Variants in RIMBP2 observed in about 807,000 individuals in gnomAD.
RIMBP2 encodes the protein RIMS binding protein 2.
Under a neutral mutation model 118.6 loss-of-function variants are expected in RIMBP2, and 48 were observed. The observed-to-expected ratio is 0.40, with a 90% confidence interval of 0.32 to 0.51. The LOEUF is 0.51. RIMBP2 is among the 20% of genes least tolerant of loss of function. RIMBP2 has a pLI of 0.41. For synonymous variants in RIMBP2, 762 were observed against 742.9 expected (o/e 1.03, Z -0.42); for missense variants, 1,551 against 1,768.3 (o/e 0.88, Z 2.20).
intron 1 of RIMBP2, among the ~76,000 whole-genome samples, chr12:130,696,292 A>G (rs953697426): frequency 2.6e-5 from 4 of 152,256 alleles, no homozygotes; most frequent in African/African-American, 7.2e-5. Context: ...CCTGAAAGGA[A>G]GAGGCCGCTG....
At chr12:130,608,983 G>C (rs1017925561) in intron 2 of RIMBP2, among the ~76,000 whole-genome samples, 1 of 151,936 alleles carries the variant, frequency 6.6e-6, no homozygotes, top group African/African-American at 2.4e-5. Flanking sequence ...CTACTTCTAC[G>C]AGATCAACTT....
intron 1 of RIMBP2, among the ~76,000 whole-genome samples, chr12:130,666,147 A>G (rs2063906021): frequency 6.6e-6 from 1 of 152,238 alleles, no homozygotes; most frequent in Non-Finnish European, 1.5e-5. Context: ...AAGCTACCAA[A>G]AAAGATCCCC....
intron 1 of RIMBP2, among the ~76,000 whole-genome samples, chr12:130,673,006 C>A (rs1197085841): frequency 2.6e-5 from 4 of 150,978 alleles, no homozygotes; most frequent in Admixed American, 6.6e-5. Context: ...TCCCAGGAAA[C>A]AAAGGAAGAC....
chr12:130,464,303 G>A (rs963038568), intron 6 of RIMBP2, among the ~76,000 whole-genome samples: 2 of 152,202 alleles, frequency 1.3e-5, no homozygotes, highest in African/African-American at 2.4e-5. Context: ...CTGCTTTCCG[G>A]TAACATTAGG....
At chr12:130,593,745 G>C (rs1351928866) in intron 2 of RIMBP2, among the ~76,000 whole-genome samples, 1 of 152,208 alleles carries the variant, frequency 6.6e-6, no homozygotes, top group Non-Finnish European at 1.5e-5. Context: ...CAGTGTGTCT[G>C]TCTGAAGGCA....
chr12:130,523,147 C>T lies in RIMBP2; in HGVS notation c.-216-5230G>A, dbSNP rs1165626379. On this transcript the variant is annotated intron_variant, in intron 2 of 22. Coordinates refer to ENST00000690449, the MANE Select transcript of RIMBP2 (RefSeq NM_001393629.1). This position sits in a 1 kb window ranked among gnomAD's most constrained non-coding sequence, Gnocchi z 4.4. ...ACTCTGCCTCTCTCTCTCTCTCTGCCTCCATGTCTGTCTGTGTCTCTGTTT... is the reference window on the plus strand; with the variant it reads ...ACTCTGCCTCTCTCTCTCTCTCTGCTTCCATGTCTGTCTGTGTCTCTGTTT... Among the ~76,000 whole-genome samples, 2 of 152,018 alleles carry T rather than the reference C, an allele frequency of 1.3e-5. No homozygotes were observed. Among genetic ancestry groups the T allele is most frequent in the Non-Finnish European group, 2.9e-5 (2 of 68,006 alleles).
At chr12:130,658,934 A>G (rs2063539223) in intron 1 of RIMBP2, 1 of 151,430 alleles carries the variant, frequency 6.6e-6, no homozygotes, top group Admixed American at 6.6e-5. Context: ...ACCTCACTCA[A>G]TCTCCCTTCC....
At chr12:130,500,261 C>G (rs995663361) in intron 4 of RIMBP2, among the ~76,000 whole-genome samples, 1 of 152,146 alleles carries the variant, frequency 6.6e-6, no homozygotes, top group South Asian at 2.1e-4. Context: ...AGTTCGAGAC[C>G]AGCCTGACCA....
At chr12:130,459,141 C>T (rs1032460972) in intron 6 of RIMBP2, among the ~76,000 whole-genome samples, 2 of 151,496 alleles carry the variant, frequency 1.3e-5, no homozygotes, top group African/African-American at 4.9e-5. Flanking sequence ...CAGCGGTTGT[C>T]AGGGTTTTGG....
At position 130,534,191 on chromosome 12, in the gene RIMBP2, G is replaced by A. The variant is rs1369915872; in HGVS notation, c.-216-16274C>T. 3.0e-5 allele frequency among the ~76,000 whole-genome samples: 4 copies of A among 134,890 alleles called. No individual in the cohort carries two copies. In the East Asian group the frequency reaches 7.5e-4, roughly 25 times the overall value. The allele number at this position is 134,890 out of a possible 152,430, so 88.5% of individuals were successfully genotyped here. A position where few individuals can be genotyped will look rare whatever the true frequency, so the allele number is the denominator to read the frequency against. ...AAAAAAAAAAAAAAAAAGAGAGAGA[G>A]AGTAGAATGATAGACACTGGAACCT... is the stretch of plus-strand genomic sequence containing the variant. On this transcript the variant is annotated intron_variant, in intron 2 of 22. Transcript: ENST00000690449.
At chr12:130,459,521 A>G (rs1377048068) in intron 6 of RIMBP2, among the ~76,000 whole-genome samples, 1 of 152,158 alleles carries the variant, frequency 6.6e-6, no homozygotes, top group Non-Finnish European at 1.5e-5. Flanking sequence ...AGAGATTTTA[A>G]ACAATAGGAA....
intron 1 of RIMBP2, among the ~76,000 whole-genome samples, chr12:130,653,397 C>T (rs1279686855): frequency 6.6e-6 from 1 of 152,258 alleles, no homozygotes; most frequent in African/African-American, 2.4e-5. Context: ...CTCCGTGCCC[C>T]ACATCCGGGC....
chr12:130,650,492 G>A (rs2063184915), intron 1 of RIMBP2, among the ~76,000 whole-genome samples: 2 of 152,250 alleles, frequency 1.3e-5, no homozygotes, highest in Admixed American at 1.3e-4. Flanking sequence ...GGGAAGCCCT[G>A]CCATAGGGCG....
At position 130,412,577 on chromosome 12, in the gene RIMBP2, G is replaced by A. The variant is rs367615475; in HGVS notation, c.3589+42C>T. The A allele has an allele frequency of 8.8e-5, 139 of 1,577,776 alleles. No individual in the cohort carries two copies. In the African/African-American group the frequency reaches 1.6e-3, roughly 18 times the overall value. Reference sequence around the variant, plus strand: ...TCTCTGAGCGGCAGGTGTTTTGTGGGATAAAATGCACAGGGAAGGTCGAAT... The same window carrying A: ...TCTCTGAGCGGCAGGTGTTTTGTGGAATAAAATGCACAGGGAAGGTCGAAT... On this transcript the variant is annotated intron_variant, in intron 19 of 22. Transcript: ENST00000690449.
intron 6 of RIMBP2, chr12:130,465,633 C>T: frequency 6.6e-6 from 1 of 152,140 alleles, no homozygotes; most frequent in East Asian, 1.9e-4. Context: ...ATTGCCTAAT[C>T]AGCAAAATGA....
chr12:130,479,560 C>T (rs984004335), intron 4 of RIMBP2, among the ~76,000 whole-genome samples: 4 of 151,834 alleles, frequency 2.6e-5, no homozygotes, highest in Non-Finnish European at 5.9e-5. Context: ...GAAGTGGACG[C>T]CTGTTCAGAA....
chr12:130,556,002 C>T (rs1348862176), intron 2 of RIMBP2, among the ~76,000 whole-genome samples: 2 of 152,170 alleles, frequency 1.3e-5, no homozygotes, highest in Admixed American at 6.5e-5. Flanking sequence ...AACCACATGG[C>T]ATGGCAGGTG....
chr12:130,409,494 C>T (rs561147352), intron 19 of RIMBP2, among the ~76,000 whole-genome samples: 1 of 152,154 alleles, frequency 6.6e-6, no homozygotes, highest in Admixed American at 6.5e-5. Context: ...AGGCGCCCGC[C>T]ACCACGCCCG....
intron 2 of RIMBP2, among the ~76,000 whole-genome samples, chr12:130,554,910 G>C (rs1210761531): frequency 6.6e-6 from 1 of 152,188 alleles, no homozygotes; most frequent in Admixed American, 6.5e-5. Context: ...AGAGAAAAGA[G>C]AGACAAGAGA....
Sources: gnomAD v4.1 joint callset for allele counts (sites outside exome capture counted in the v4.1 genomes callset) on GRCh38, gnomAD v4.1.1 for gene constraint, Gnocchi (gnomAD v3.1) non-coding constraint, MANE v1.5 for transcripts, NCBI Gene and HGNC (gene_info 2026-07-23, HGNC 2026-07-21) for gene names.